Variants in CCDC88C observed in about 807,000 individuals in gnomAD.
CCDC88C encodes protein Daple.
Under a neutral mutation model 198.8 loss-of-function variants are expected in CCDC88C, and 131 were observed. The ratio of observed to expected loss-of-function variants is 0.66; its 90% CI spans 0.57 to 0.76. The LOEUF is 0.76. Ranked by LOEUF, CCDC88C falls within the 30% of genes least tolerant of loss-of-function variation. The pLI, the probability that CCDC88C is intolerant of heterozygous loss-of-function variation, is 0.00. For missense variants in CCDC88C, 2,553 were observed against 2,631.6 expected, an observed-to-expected ratio of 0.97 and a Z score of 0.65; for synonymous variants, 1,166 against 1,114.7, an observed-to-expected ratio of 1.05 and a Z score of -0.92.
rs77162485 is a variant in CCDC88C at position 91,383,979 on chromosome 14, C to G, written c.271-24268G>C. Among the ~76,000 whole-genome samples, 147 of 152,346 alleles carry G rather than the reference C, an allele frequency of 9.6e-4. 2 individuals are homozygous for G. In the East Asian group the frequency reaches 0.021, roughly 22 times the overall value. ...CCATTCTGCAGGCAGTGTGAGGGCACAGCCTTCTGGAGTGCCACACCTGGG... is the reference window on the plus strand; with the variant it reads ...CCATTCTGCAGGCAGTGTGAGGGCAGAGCCTTCTGGAGTGCCACACCTGGG... On this transcript the variant is annotated intron_variant, in intron 3 of 29. Transcript: ENST00000389857.
Position 91,408,701 on chromosome 14 carries a change from C to G in CCDC88C, c.228G>C (p.Gln76His). 6.2e-7 allele frequency: 1 copy of G among 1,613,882 alleles called. No homozygotes were observed. The highest frequency in any genetic ancestry group is 8.5e-7 in the Non-Finnish European group (1 of 1,179,768). Residue 76 changes from glutamine (Q) to histidine (H), a missense_variant, in exon 3 of 30, where the codon CAG (glutamine) becomes CAC (histidine). Physicochemically the swap from Gln to His is conservative, Grantham distance 24. Coordinates refer to ENST00000389857, the MANE Select transcript of CCDC88C (RefSeq NM_001080414.4). ...HVNNDVNLRI[Q>H]NLTILVRNIK... The stretch of plus-strand genomic sequence containing the variant: ...TGTTTCTCACCAAGATGGTCAAATT[C>G]TGAATGCGAAGGTTCACATCATTGT...
At chr14:91,318,269 A>C (rs2139815069) in intron 13 of CCDC88C, among the ~76,000 whole-genome samples, 1 of 152,096 alleles carries the variant, frequency 6.6e-6, no homozygotes, top group South Asian at 2.1e-4. Context: ...AAAAAAAATT[A>C]GCTGGGCGTG....
chr14:91,413,334 C>T (rs947361930), intron 2 of CCDC88C, among the ~76,000 whole-genome samples: 1 of 152,090 alleles, frequency 6.6e-6, no homozygotes, highest in Non-Finnish European at 1.5e-5. Context: ...AAATACCATC[C>T]CCTTATTACA....
At chr14:91,414,722 G>A (rs1189766525) in intron 2 of CCDC88C, among the ~76,000 whole-genome samples, 3 of 152,066 alleles carry the variant, frequency 2.0e-5, no homozygotes, top group African/African-American at 4.8e-5. Flanking sequence ...CCATTCCTCT[G>A]TGCCCAACTC....
chr14:91,300,123 A>C, intron 20 of CCDC88C, 53 bp from the exon 21 acceptor site: 1 of 1,575,910 alleles, frequency 6.3e-7, no homozygotes, highest in Non-Finnish European at 8.6e-7. Flanking sequence ...CTTTTCCGAC[A>C]GGTAACTCAC....
chr14:91,362,430 T>C (rs943778522), intron 3 of CCDC88C, among the ~76,000 whole-genome samples: 2 of 136,400 alleles, frequency 1.5e-5, no homozygotes, highest in African/African-American at 5.3e-5. Flanking sequence ...TCATCCTGTT[T>C]TGTTGTTTTG....
rs1042172636 is a variant in CCDC88C, at chr14:91,275,525, T to C, written c.5059-1872A>G. ...CAGAGTCTCACTGTGTTGCCCAGGCTGGAGTGCAGTGGCACAATCTCGGTT... is the reference window on the plus strand; with the variant it reads ...CAGAGTCTCACTGTGTTGCCCAGGCCGGAGTGCAGTGGCACAATCTCGGTT... On this transcript the variant is annotated intron_variant, in intron 29 of 29. Transcript: ENST00000389857. Among the ~76,000 whole-genome samples the C allele has an allele frequency of 7.9e-5, 12 of 151,940 alleles. No individual in the cohort carries two copies. In the South Asian group the frequency reaches 1.2e-3, roughly 16 times the overall value.
chr14:91,312,375 A>G (rs61276221), intron 15 of CCDC88C, among the ~76,000 whole-genome samples: 3,181 of 152,032 alleles, frequency 0.021, 123 homozygotes, highest in African/African-American at 0.072. Flanking sequence ...GTGACAAAGC[A>G]AGATTCTGTC....
chr14:91,272,327 G>A lies in CCDC88C; in HGVS notation c.*298C>T. ...CATACTGGAGTAGTGTCTGCTTTGG[G>A]GGAAGTCAGTTTGTCATTGCATCCT... On this transcript the variant is annotated 3_prime_UTR_variant, in exon 30 of 30. Transcript: ENST00000389857. 2.4e-6 allele frequency: 1 copy of A among 420,514 alleles called. No homozygotes were observed. Among genetic ancestry groups the A allele is most frequent in the Non-Finnish European group, 4.3e-6 (1 of 232,104 alleles). The allele number at this position is 420,514 out of a possible 1,614,324, so 26.0% of individuals were successfully genotyped here.
intron 4 of CCDC88C, among the ~76,000 whole-genome samples, chr14:91,355,387 C>T (rs1335944866): frequency 2.6e-5 from 4 of 152,092 alleles, no homozygotes; most frequent in East Asian, 1.9e-4. Context: ...TTATAAGAGC[C>T]GTCATATAAA....
At chr14:91,362,760 T>A (rs1168677556) in intron 3 of CCDC88C, among the ~76,000 whole-genome samples, 1 of 152,018 alleles carries the variant, frequency 6.6e-6, no homozygotes, top group Non-Finnish European at 1.5e-5. Context: ...AAACCCGATC[T>A]CTACTAAATA....
chr14:91,274,960 C>A (rs1328423182), intron 29 of CCDC88C, among the ~76,000 whole-genome samples: 1 of 152,146 alleles, frequency 6.6e-6, no homozygotes, highest in Non-Finnish European at 1.5e-5. Context: ...TGATACCCAC[C>A]CTTCCTGGCC....
intron 27 of CCDC88C, chr14:91,279,520 A>G: frequency 2.0e-6 from 1 of 489,700 alleles, no homozygotes; most frequent in Non-Finnish European, 3.6e-6. Flanking sequence ...AGCCATCAAC[A>G]GATGATACTC....
intron 3 of CCDC88C, among the ~76,000 whole-genome samples, chr14:91,375,347 T>G (rs1162586833): frequency 6.6e-6 from 1 of 152,114 alleles, no homozygotes; most frequent in African/African-American, 2.4e-5. Context: ...ACAGAAACAA[T>G]GCCCTTCAAT....
rs144437469 is a variant in CCDC88C, at chr14:91,300,867, A to G, written c.3636-797T>C. 3.3e-3 allele frequency among the ~76,000 whole-genome samples: 507 copies of G among 152,238 alleles called. 7 individuals carry two copies. Among genetic ancestry groups the G allele is most frequent in the African/African-American group, 0.012 (483 of 41,520 alleles). On this transcript the variant is annotated intron_variant, in intron 20 of 29. Transcript: ENST00000389857. ...CGGGTGACCCAGGATCTCCTAGCAG[A>G]CTGGAAGTGTTGAGAAGTCTGAGGC... is the stretch of plus-strand genomic sequence containing the variant.
chr14:91,273,408 CG>C lies in CCDC88C; in HGVS notation c.5303del (p.Pro1768ArgfsTer34). 2.6e-6 allele frequency: 4 copies of C among 1,550,532 alleles called. No individual in the cohort carries two copies. The highest frequency in any genetic ancestry group is 3.5e-6 in the Non-Finnish European group (4 of 1,147,530). ...GGCTCTGGGGAGGCTGGGCCTGTCT[CG>C]GGGCCACGCTGGGTGGGGCCTCGGC... ...TEAEAPPSVAPRQAQPPQSLS... is the reference protein window; with the variant it reads ...TEAEAPPSVAXRQAQPPQSLS... On this transcript the variant is annotated frameshift_variant, in exon 30 of 30. Transcript: ENST00000389857. LOFTEE classifies it low-confidence loss of function (END_TRUNC). This position sits in a 1 kb window ranked among gnomAD's most constrained non-coding sequence, Gnocchi z 5.6.
chr14:91,389,336 CA>C (rs1209923045), intron 3 of CCDC88C, among the ~76,000 whole-genome samples: 8 of 152,152 alleles, frequency 5.3e-5, no homozygotes, highest in Non-Finnish European at 1.0e-4. Context: ...CCGGCTTCCC[CA>C]GGGGAAAAGT....
intron 15 of CCDC88C, among the ~76,000 whole-genome samples, chr14:91,310,351 G>A (rs1365558137): frequency 6.6e-6 from 1 of 152,108 alleles, no homozygotes; most frequent in Admixed American, 6.6e-5. Flanking sequence ...GCCCCTTGTA[G>A]ACACTTTGAA....
intron 3 of CCDC88C, among the ~76,000 whole-genome samples, chr14:91,399,894 T>C (rs114729273): frequency 6.7e-6 from 1 of 148,224 alleles, no homozygotes; most frequent in East Asian, 2.0e-4. Context: ...CCTAAGCACC[T>C]AAGCACAGCC....
Sources: gnomAD v4.1 joint callset for allele counts (sites outside exome capture counted in the v4.1 genomes callset) on GRCh38, gnomAD v4.1.1 for gene constraint, Gnocchi (gnomAD v3.1) non-coding constraint, MANE v1.5 for transcripts, NCBI Gene and HGNC (gene_info 2026-07-23, HGNC 2026-07-21) for gene names.